ELN: variants seen among roughly 807,000 people sequenced by gnomAD.
ELN encodes tropoelastin.
In ELN, 65 loss-of-function variants were observed where a neutral mutation model predicts 105.8. That is an observed-to-expected ratio of 0.61 (90% CI 0.50 to 0.75). The LOEUF is 0.75. Among genes scored for constraint, ELN ranks in the 30% least tolerant of loss-of-function variants. The pLI, the probability that ELN is intolerant of heterozygous loss-of-function variation, is 0.00. For synonymous variants in ELN, 368 were observed against 389.2 expected (o/e 0.95, Z 0.64); for missense variants, 882 against 969.4 (o/e 0.91, Z 1.20).
Position 74,064,212 on chromosome 7 carries a change from A to G in ELN, c.1993+517A>G, listed in dbSNP as rs529295842. On this transcript the variant is annotated intron_variant, in intron 29 of 32. Coordinates refer to ENST00000252034, the MANE Select transcript of ELN (RefSeq NM_000501.4). Reference sequence around the variant, plus strand: ...GGTGGGCAGATCACGAGGTCAGATCAAGACCATCCTGGCTAACACAGTGAA... The same window carrying G: ...GGTGGGCAGATCACGAGGTCAGATCGAGACCATCCTGGCTAACACAGTGAA... Among the ~76,000 whole-genome samples, 204 of 151,894 alleles carry G rather than the reference A, an allele frequency of 1.3e-3. 1 individual carries two copies. The highest frequency in any genetic ancestry group is 3.3e-3 in the African/African-American group (138 of 41,454).
intron 8 of ELN, 188 bp downstream of exon 8, chr7:74,043,356 C>A (rs896481922): frequency 2.5e-5 from 22 of 877,978 alleles, no homozygotes; most frequent in Non-Finnish European, 3.4e-5. Context: ...GGCCCACTTC[C>A]CGGGCCCTTC....
At chr7:74,047,615 G>A in intron 12 of ELN, 60 bp from the exon 13 acceptor site, 1 of 1,609,432 alleles carries the variant, frequency 6.2e-7, no homozygotes, top group South Asian at 1.1e-5. Flanking sequence ...GTCCACCCAG[G>A]TTGGTGGGAG....
intron 1 of ELN, among the ~76,000 whole-genome samples, chr7:74,034,482 CAGG>C (rs1284894807): frequency 2.7e-5 from 4 of 149,332 alleles, no homozygotes; most frequent in African/African-American, 1.0e-4. Context: ...GAGGCCAAGG[CAGG>C]AGGATCGCTT....
rs1554668330 is a variant in ELN, at chr7:74,041,249, C to A, written c.230C>A (p.Ala77Glu). ...GGGCTTGCGGGTGCTGGCCTTGGGG[C>A]AGGTGAGTGCTGACACCCAAGAAAG... is the stretch of plus-strand genomic sequence containing the variant. ...PGGLAGAGLG[A>E]GLGAFPAVTF... Residue 77 changes from alanine to glutamate, a missense_variant and splice_region_variant, in exon 5 of 33, where the codon GCA (alanine) becomes GAA (glutamate). Transcript: ENST00000252034. 1 of 1,613,984 alleles carries A rather than the reference C, an allele frequency of 6.2e-7. No homozygotes were observed. The highest frequency in any genetic ancestry group is 8.5e-7 in the Non-Finnish European group (1 of 1,179,886).
chr7:74,057,796 C>T, intron 22 of ELN, 100 bp downstream of exon 22: 1 of 1,386,752 alleles, frequency 7.2e-7, no homozygotes, highest in Non-Finnish European at 1.0e-6. Context: ...CTTTCCACCC[C>T]ACTTAAGCTG....
At chr7:74,035,750 T>C (rs1488079784) in intron 2 of ELN, 7 of 387,382 alleles carry the variant, frequency 1.8e-5, no homozygotes, top group Admixed American at 7.9e-5. Flanking sequence ...ATGTTCTGCA[T>C]TGAGAAAAAT....
At chr7:74,031,902 A>G (rs1302729046) in intron 1 of ELN, among the ~76,000 whole-genome samples, 1 of 151,254 alleles carries the variant, frequency 6.6e-6, no homozygotes, top group Non-Finnish European at 1.5e-5. Context: ...GGAAGGAAGG[A>G]AGGAAGGAAG....
Position 74,043,899 on chromosome 7 carries a change from T to C in ELN, c.448T>C (p.Tyr150His). Residue 150 changes from tyrosine (Y) to histidine (H), a missense_variant, in exon 9 of 33, where the codon TAC becomes CAC. Physicochemically the swap from Tyr to His is moderately conservative, Grantham distance 83. Transcript: ENST00000252034. ...KVPGVGLPGV[Y>H]PGGVLPGARF... ...CACAGGTGTGGGGCTGCCAGGTGTA[T>C]ACCCAGGTGGCGTGCTCCCAGGTGA... 2 of 1,614,008 alleles carry C rather than the reference T, an allele frequency of 1.2e-6. No homozygotes were observed. Among genetic ancestry groups the C allele is most frequent in the Non-Finnish European group, 1.7e-6 (2 of 1,179,958 alleles).
At chr7:74,064,409 C>T (rs1486871130) in intron 29 of ELN, among the ~76,000 whole-genome samples, 1 of 134,532 alleles carries the variant, frequency 7.4e-6, no homozygotes, top group African/African-American at 2.9e-5. Flanking sequence ...AGCGAGACTC[C>T]GTCTCAAAAA....
In ELN at chr7:74,057,699, A is replaced by G; in HGVS notation, c.1414+3A>G. 1 of 1,613,112 alleles carries G rather than the reference A, an allele frequency of 6.2e-7. No individual in the cohort carries two copies. Among genetic ancestry groups the G allele is most frequent in the African/African-American group, 1.3e-5 (1 of 74,990 alleles). ...AGCCGCCAAAGCCGCCCAGTTTGGT[A>G]AGTCCCCCTCACCCCCGCCACTGGC... On this transcript the variant is annotated splice_donor_region_variant and intron_variant, in intron 22 of 32. Transcript: ENST00000252034.
chr7:74,043,197 ACAGAGGGCAGGGAGGGG>A, intron 8 of ELN, 29 bp downstream of exon 8: 1 of 1,568,830 alleles, frequency 6.4e-7, no homozygotes, highest in South Asian at 1.2e-5. Flanking sequence ...GGGCTGGAGG[ACAGAGGGCAGGGAGGGG>A]CAGAGGGCAG....
chr7:74,058,107 C>T (rs1216911152), intron 22 of ELN, among the ~76,000 whole-genome samples: 1 of 149,460 alleles, frequency 6.7e-6, no homozygotes, highest in Middle Eastern at 3.5e-3. Flanking sequence ...CTTCTCCCTC[C>T]TCCTCCTTCT....
chr7:74,051,825 T>G lies in ELN; in HGVS notation c.875T>G (p.Ile292Ser). 1 of 1,614,232 alleles carries G rather than the reference T, an allele frequency of 6.2e-7. No individual in the cohort carries two copies. The change falls in exon 16 of 33, where the codon ATT becomes AGT. Residue 292 changes from isoleucine (I) to serine (S), a missense_variant. Physicochemically the swap from Ile to Ser is moderately radical, Grantham distance 142 (BLOSUM62 -2). Transcript: ENST00000252034. ...VPGVPGAIPG[I>S]GGIAGVGTPA... is the part of the protein sequence containing the mutation. ...GGCGTGCCTGGGGCAATTCCTGGAA[T>G]TGGAGGCATCGCAGGTAACATCTGT...
At chr7:74,034,011 T>C (rs1371619499) in intron 1 of ELN, among the ~76,000 whole-genome samples, 2 of 152,164 alleles carry the variant, frequency 1.3e-5, no homozygotes, top group African/African-American at 4.8e-5. Context: ...GCTTCACTGG[T>C]CCATGGGGAC....
intron 8 of ELN, 93 bp downstream of exon 8, chr7:74,043,261 G>C: frequency 6.6e-7 from 1 of 1,517,552 alleles, no homozygotes; most frequent in East Asian, 2.4e-5. Flanking sequence ...CTGCACTTGG[G>C]GAGGAAGGGC....
Position 74,042,649 on chromosome 7 carries a change from G to A in ELN, c.268G>A (p.Ala90Thr), listed in dbSNP as rs1554669243. ...CTTCCCCGCAGTTACCTTTCCGGGG[G>A]CTCTGGTGCCTGGTGGAGTGGCTGA... is the stretch of plus-strand genomic sequence containing the variant. ...GAFPAVTFPG[A>T]LVPGGVADAA... Residue 90 changes from alanine to threonine, a missense_variant, in exon 6 of 33, where the codon GCT becomes ACT. Physicochemically the swap from Ala to Thr is moderately conservative, Grantham distance 58. Transcript: ENST00000252034. 6.2e-7 allele frequency: 1 copy of A among 1,613,640 alleles called. No homozygotes were observed. The highest frequency in any genetic ancestry group is 2.2e-5 in the East Asian group (1 of 44,864).
chr7:74,046,450 A>G (rs1304042197), intron 11 of ELN, among the ~76,000 whole-genome samples: 3 of 152,244 alleles, frequency 2.0e-5, no homozygotes, highest in Non-Finnish European at 2.9e-5. Context: ...GCCTGTGCCA[A>G]GGGCTGCAGG....
At chr7:74,045,989 C>T in intron 10 of ELN, 199 bp from the exon 11 acceptor site, 2 of 663,428 alleles carry the variant, frequency 3.0e-6, no homozygotes, top group Admixed American at 2.6e-5. Flanking sequence ...GAGTTGAGAT[C>T]ACCCCATTCC....
In ELN at chr7:74,042,844, G is replaced by A. The variant is rs552813579; in HGVS notation, c.325+138G>A. ...CAGTTGCAATCTACTGGGGCTCAGGGAGGCAGCTAGCTGTGCCCAGTCTGA... is the reference window on the plus strand; with the variant it reads ...CAGTTGCAATCTACTGGGGCTCAGGAAGGCAGCTAGCTGTGCCCAGTCTGA... On this transcript the variant is annotated intron_variant, in intron 6 of 32. Coordinates refer to ENST00000252034, the MANE Select transcript of ELN (RefSeq NM_000501.4). 7.1e-6 allele frequency: 11 copies of A among 1,538,578 alleles called. No individual in the cohort carries two copies. In the East Asian group the frequency reaches 1.8e-4, roughly 26 times the overall value.
Sources: gnomAD v4.1 joint callset for allele counts (sites outside exome capture counted in the v4.1 genomes callset) on GRCh38, gnomAD v4.1.1 for gene constraint, MANE v1.5 for transcripts, NCBI Gene and HGNC (gene_info 2026-07-23, HGNC 2026-07-21) for gene names.